Variants in ARHGEF28 observed in about 807,000 individuals in gnomAD.
ARHGEF28 encodes the protein Rho guanine nucleotide exchange factor 28.
Under a neutral mutation model 206.6 loss-of-function variants are expected in ARHGEF28, and 152 were observed. The observed-to-expected ratio is 0.74, with a 90% CI of 0.64 to 0.84. The LOEUF (loss-of-function observed/expected upper bound fraction) is 0.84. ARHGEF28 is among the 40% of genes least tolerant of loss of function. The pLI, the probability that ARHGEF28 is intolerant of heterozygous loss-of-function variation, is 0.00. For synonymous variants in ARHGEF28, 763 were observed against 776.4 expected (o/e 0.98, Z 0.29); for missense variants, 2,028 against 2,073.2 (o/e 0.98, Z 0.42).
intron 1 of ARHGEF28, among the ~76,000 whole-genome samples, chr5:73,671,443 A>C (rs1292822950): frequency 6.6e-6 from 1 of 152,074 alleles, no homozygotes; most frequent in Non-Finnish European, 1.5e-5. Context: ...CAGCAAATGA[A>C]TGAACTTTTG....
In ARHGEF28 at chr5:73,847,311, C is replaced by T. The variant is rs561051368; in HGVS notation, c.1635+836C>T. 7.8e-4 allele frequency among the ~76,000 whole-genome samples: 119 copies of T among 152,186 alleles called. 3 individuals carry two copies. In the South Asian group the frequency reaches 0.023, roughly 30 times the overall value. ...CAAAATATATAATTGCCTCATAACT[C>T]ACCTATTACATAAGTAGTGCTTTTA... On this transcript the variant is annotated intron_variant, in intron 12 of 35. Coordinates refer to ENST00000513042, the MANE Select transcript of ARHGEF28 (RefSeq NM_001177693.2).
At chr5:73,893,323 G>T (rs1041407821) in intron 28 of ARHGEF28, 35 bp downstream of exon 28, 1 of 1,489,642 alleles carries the variant, frequency 6.7e-7, no homozygotes, top group East Asian at 2.5e-5. Flanking sequence ...CCTGGTCGTG[G>T]TGTTCTCCTG....
chr5:73,684,703 T>C (rs947440215), intron 1 of ARHGEF28, 138 bp from the exon 2 acceptor site: 1 of 567,598 alleles, frequency 1.8e-6, no homozygotes, highest in South Asian at 3.0e-5. Context: ...TCCTTTATTC[T>C]TTCATATTTT....
chr5:73,920,466 G>A (rs577229245), intron 35 of ARHGEF28, among the ~76,000 whole-genome samples: 140 of 151,024 alleles, frequency 9.3e-4, no homozygotes, highest in Non-Finnish European at 1.7e-3. Flanking sequence ...TCTTGGATAC[G>A]TGTGCAGAAC....
intron 4 of ARHGEF28, among the ~76,000 whole-genome samples, chr5:73,772,305 A>G (rs1753266091): frequency 6.6e-6 from 1 of 152,150 alleles, no homozygotes; most frequent in Admixed American, 6.5e-5. Flanking sequence ...CCACCTCCAC[A>G]GGGCCTTAGA....
At chr5:73,857,564 T>TACACACAC (rs4066802) in intron 14 of ARHGEF28, 92 bp from the exon 15 acceptor site, 10 of 1,193,092 alleles carry the variant, frequency 8.4e-6, no homozygotes, top group Admixed American at 2.8e-5. Context: ...CATATATGTG[T>TACACACAC]ACACACACAC....
intron 9 of ARHGEF28, among the ~76,000 whole-genome samples, chr5:73,809,516 T>C (rs896540088): frequency 3.9e-5 from 6 of 152,194 alleles, no homozygotes; most frequent in East Asian, 1.9e-4. Context: ...TAGCTTGTGG[T>C]GCACTAAAAA....
intron 14 of ARHGEF28, among the ~76,000 whole-genome samples, chr5:73,855,829 G>A (rs777584912): frequency 2.1e-4 from 32 of 152,148 alleles, no homozygotes; most frequent in African/African-American, 3.4e-4. Flanking sequence ...GGAAACTGTC[G>A]TTTTTTATAT....
chr5:73,660,307 C>T (rs775545328), intron 1 of ARHGEF28, among the ~76,000 whole-genome samples: 1 of 152,186 alleles, frequency 6.6e-6, no homozygotes, highest in African/African-American at 2.4e-5. Flanking sequence ...TGCAGCAGTT[C>T]AGTCCCATCT....
At chr5:73,786,537 T>G (rs1362169557) in intron 7 of ARHGEF28, 2 of 152,172 alleles carry the variant, frequency 1.3e-5, no homozygotes, top group Non-Finnish European at 2.9e-5. Context: ...GGTTCATCTC[T>G]CTCAAGTCCT....
At chr5:73,742,037 T>A (rs1751465421) in intron 2 of ARHGEF28, among the ~76,000 whole-genome samples, 7 of 152,196 alleles carry the variant, frequency 4.6e-5, no homozygotes, top group Admixed American at 4.6e-4. Flanking sequence ...ATTATCTTCT[T>A]CAACTGACTC....
At chr5:73,924,913 C>T (rs560868150) in intron 35 of ARHGEF28, among the ~76,000 whole-genome samples, 1 of 152,274 alleles carries the variant, frequency 6.6e-6, no homozygotes, top group Non-Finnish European at 1.5e-5. Context: ...ACACTGATGT[C>T]AGGGGATATT....
intron 1 of ARHGEF28, among the ~76,000 whole-genome samples, chr5:73,655,612 A>T (rs1745141956): frequency 6.6e-6 from 1 of 152,186 alleles, no homozygotes; most frequent in Non-Finnish European, 1.5e-5. Flanking sequence ...ATTAACCCTC[A>T]ACAAAGTTCT....
At chr5:73,780,799 A>G in intron 7 of ARHGEF28, 54 bp downstream of exon 7, 1 of 1,529,678 alleles carries the variant, frequency 6.5e-7, no homozygotes, top group Non-Finnish European at 8.9e-7. Flanking sequence ...TGGACCAACA[A>G]TCTAACCAGT....
chr5:73,810,524 G>A (rs1755781621), intron 9 of ARHGEF28, among the ~76,000 whole-genome samples: 1 of 152,080 alleles, frequency 6.6e-6, no homozygotes, highest in Non-Finnish European at 1.5e-5. Context: ...AGTCACGGGA[G>A]GAACAGCCTA....
chr5:73,785,319 C>T (rs1027230044), intron 7 of ARHGEF28, among the ~76,000 whole-genome samples: 7 of 151,902 alleles, frequency 4.6e-5, no homozygotes, highest in African/African-American at 1.4e-4. Flanking sequence ...GTCCTTTTTT[C>T]GCAGTTCTCA....
chr5:73,711,383 A>G (rs1749235767), intron 2 of ARHGEF28, among the ~76,000 whole-genome samples: 1 of 152,176 alleles, frequency 6.6e-6, no homozygotes, highest in Non-Finnish European at 1.5e-5. Context: ...GATTTTGATT[A>G]CAATTGTGTT....
In ARHGEF28 at chr5:73,837,325, A is replaced by G. The variant is rs138677583; in HGVS notation, c.1147-3155A>G. Among the ~76,000 whole-genome samples the G allele has an allele frequency of 9.2e-3, 1,400 of 152,260 alleles. 26 individuals carry two copies. The highest frequency in any genetic ancestry group is 0.032 in the African/African-American group (1,321 of 41,552). On this transcript the variant is annotated intron_variant, in intron 10 of 35. Coordinates refer to ENST00000513042, the MANE Select transcript of ARHGEF28 (RefSeq NM_001177693.2). ...GGATATCTTTCATATGAATTCTTCT[A>G]ATCCATGAACATAGGATATCTTTCC...
chr5:73,691,273 C>A (rs1422269062), intron 2 of ARHGEF28, among the ~76,000 whole-genome samples: 6 of 145,802 alleles, frequency 4.1e-5, no homozygotes, highest in African/African-American at 1.5e-4. Flanking sequence ...TTGGTAAACA[C>A]TAAAATTTGT....
Sources: gnomAD v4.1 joint callset for allele counts (sites outside exome capture counted in the v4.1 genomes callset) on GRCh38, gnomAD v4.1.1 for gene constraint, MANE v1.5 for transcripts, NCBI Gene and HGNC (gene_info 2026-07-23, HGNC 2026-07-21) for gene names.